The following TTL variants were observed in gnomAD, a reference collection of about 807,000 sequenced individuals.
TTL encodes the protein tubulin--tyrosine ligase.
A neutral mutation model predicts 41.1 loss-of-function variants in TTL; 10 were observed. That is an observed-to-expected ratio of 0.24 (90% CI 0.15 to 0.41). TTL has a LOEUF of 0.41. TTL is among the 10% of genes least tolerant of loss of function. The pLI, the probability that TTL is intolerant of heterozygous loss-of-function variation, is 1.00. For synonymous variants in TTL, 175 were observed against 175.5 expected (o/e 1.00, Z 0.02); for missense variants, 367 against 460.4 (o/e 0.80, Z 1.86).
Position 112,530,082 on chromosome 2 carries a change from C to G in TTL, c.*1287C>G. 1 of 230,208 alleles carries G rather than the reference C, an allele frequency of 4.3e-6. No individual in the cohort carries two copies. The highest frequency in any genetic ancestry group is 6.2e-5 in the East Asian group (1 of 16,212). The allele number at this position is 230,208 out of a possible 1,614,324, so 14.3% of individuals were successfully genotyped here. Reference sequence around the variant, plus strand: ...AGAGTGTCCTGGAAATCACAGCAACCCATTGAAAACTGCCCTCCCCACCAG... The same window carrying G: ...AGAGTGTCCTGGAAATCACAGCAACGCATTGAAAACTGCCCTCCCCACCAG... On this transcript the variant is annotated 3_prime_UTR_variant, in exon 7 of 7. Transcript: ENST00000233336.
Position 112,528,779 on chromosome 2 carries a change from C to T in TTL, c.1118C>T (p.Ala373Val). ...GAGCAACCTCAGACCCAGCCAGCTGCCTTCATCAAGCTGTGACAGAGGGCA... is the reference window on the plus strand; with the variant it reads ...GAGCAACCTCAGACCCAGCCAGCTGTCTTCATCAAGCTGTGACAGAGGGCA... Reference protein sequence around the residue: ...DVEQPQTQPAAFIKL With the variant: ...DVEQPQTQPAVFIKL Residue 373 changes from alanine (A) to valine (V), a missense_variant, in exon 7 of 7, where the codon GCC becomes GTC. Physicochemically the swap from Ala to Val is moderately conservative, Grantham distance 64. Transcript: ENST00000233336. 2 of 1,614,028 alleles carry T rather than the reference C, an allele frequency of 1.2e-6. No homozygotes were observed. The highest frequency in any genetic ancestry group is 2.7e-5 in the African/African-American group (2 of 75,036).
chr2:112,513,215 G>A (rs12469608), intron 5 of TTL, among the ~76,000 whole-genome samples: 10,135 of 151,930 alleles, frequency 0.067, 590 homozygotes, highest in East Asian at 0.28. Context: ...AGATTATCAG[G>A]TTGGATTATT....
chr2:112,503,138 A>C lies in TTL; in HGVS notation c.832A>C (p.Thr278Pro). 1.2e-6 allele frequency: 2 copies of C among 1,610,844 alleles called. No individual in the cohort carries two copies. Among genetic ancestry groups the C allele is most frequent in the South Asian group, 2.2e-5 (2 of 90,970 alleles). ...GTACCTAACAAGTGCTTTGAACATT[A>C]CCCTAGAAAGTAGTATCTTACTACA... ...NQYLTSALNI[T>P]LESSILLQIK... Residue 278 changes from threonine (T) to proline (P), a missense_variant, in exon 5 of 7, where the codon ACC becomes CCC. Transcript: ENST00000233336.
In TTL at chr2:112,538,098, G is replaced by A. The variant is rs1682631114; in HGVS notation, c.*9303G>A. 1 of 152,194 alleles carries A rather than the reference G, an allele frequency of 6.6e-6. No individual in the cohort carries two copies. Among genetic ancestry groups the A allele is most frequent in the African/African-American group, 2.4e-5 (1 of 41,452 alleles). 9.4% of individuals were successfully genotyped at this position (152,194 alleles called of 1,614,324 possible). On this transcript the variant is annotated 3_prime_UTR_variant, in exon 7 of 7. Transcript: ENST00000233336. Reference sequence around the variant, plus strand: ...TCTGTATTAATGAAGAAATATACAAGTAAAGAGGTTGGACTAATAATAATT... The same window carrying A: ...TCTGTATTAATGAAGAAATATACAAATAAAGAGGTTGGACTAATAATAATT...
intron 2 of TTL, among the ~76,000 whole-genome samples, chr2:112,487,174 T>C (rs1681263557): frequency 6.6e-6 from 1 of 152,144 alleles, no homozygotes; most frequent in African/African-American, 2.4e-5. Context: ...CACTAACGTT[T>C]CTTTCTGGGC....
Position 112,528,748 on chromosome 2 carries a change from G to A in TTL, c.1087G>A (p.Asp363Asn), listed in dbSNP as rs768633270. 1.9e-6 allele frequency: 3 copies of A among 1,614,052 alleles called. No individual in the cohort carries two copies. Among genetic ancestry groups the A allele is most frequent in the Non-Finnish European group, 2.5e-6 (3 of 1,180,036 alleles). ...IAISSVFPPP[D>N]VEQPQTQPAA... ...CATTTCCAGTGTCTTCCCACCCCCA[G>A]ATGTGGAGCAACCTCAGACCCAGCC... is the stretch of plus-strand genomic sequence containing the variant. Residue 363 changes from aspartate to asparagine, a missense_variant, in exon 7 of 7, where the codon GAT becomes AAT. Asp to Asn is a conservative substitution (Grantham distance 23). Coordinates refer to ENST00000233336, the MANE Select transcript of TTL (RefSeq NM_153712.5).
rs1356100779 is a variant in TTL at position 112,494,295 on chromosome 2, T to C, written c.389T>C (p.Phe130Ser). The C allele has an allele frequency of 6.2e-7, 1 of 1,614,212 alleles. No individual in the cohort carries two copies. The highest frequency in any genetic ancestry group is 2.2e-5 in the East Asian group (1 of 44,888). Residue 130 changes from phenylalanine to serine, a missense_variant, in exon 3 of 7, where the codon TTC becomes TCC. Coordinates refer to ENST00000233336, the MANE Select transcript of TTL (RefSeq NM_153712.5). ...AACTCAAGGACAGATGAAAGAGAATTCTTTCTCGCCTCTTATAACAGAAAG... is the reference window on the plus strand; with the variant it reads ...AACTCAAGGACAGATGAAAGAGAATCCTTTCTCGCCTCTTATAACAGAAAG... Reference protein sequence around the residue: ...ISNSRTDEREFFLASYNRKKE... With the variant: ...ISNSRTDERESFLASYNRKKE...
At chr2:112,495,892 G>A (rs969970997) in intron 3 of TTL, among the ~76,000 whole-genome samples, 1 of 152,008 alleles carries the variant, frequency 6.6e-6, no homozygotes, top group African/African-American at 2.4e-5. Flanking sequence ...GTATTGCCTT[G>A]GAAGACATCT....
intron 3 of TTL, among the ~76,000 whole-genome samples, chr2:112,497,996 C>T (rs1357504161): frequency 1.3e-5 from 2 of 152,144 alleles, no homozygotes; most frequent in African/African-American, 4.8e-5. Context: ...TTTTATGTGC[C>T]AACAATGAAC....
chr2:112,528,754 G>A lies in TTL; in HGVS notation c.1093G>A (p.Glu365Lys), dbSNP rs1682430944. The part of the protein sequence containing the change: ...ISSVFPPPDV[E>K]QPQTQPAAFI... ...CAGTGTCTTCCCACCCCCAGATGTGGAGCAACCTCAGACCCAGCCAGCTGC... is the reference window on the plus strand; with the variant it reads ...CAGTGTCTTCCCACCCCCAGATGTGAAGCAACCTCAGACCCAGCCAGCTGC... Residue 365 changes from glutamate (E) to lysine (K), a missense_variant, in exon 7 of 7, where the codon GAG (glutamate) becomes AAG (lysine). Coordinates refer to ENST00000233336, the MANE Select transcript of TTL (RefSeq NM_153712.5). The A allele has an allele frequency of 1.9e-6, 3 of 1,613,976 alleles. No homozygotes were observed. The Admixed American group carries it at 5.0e-5, about 27-fold the overall frequency.
intron 6 of TTL, 192 bp downstream of exon 6, chr2:112,520,617 C>A: frequency 2.3e-6 from 1 of 435,106 alleles, no homozygotes; most frequent in Non-Finnish European, 3.7e-6. Flanking sequence ...CGTGTATAGG[C>A]CAGATAGGCC....
chr2:112,512,854 TTG>T (rs1223527237), intron 5 of TTL, among the ~76,000 whole-genome samples: 2 of 152,208 alleles, frequency 1.3e-5, no homozygotes, highest in African/African-American at 4.8e-5. Flanking sequence ...TTTTGTTTTT[TTG>T]TGTCTCTTTT....
chr2:112,486,618 G>C (rs554525592), intron 2 of TTL, among the ~76,000 whole-genome samples: 11 of 152,210 alleles, frequency 7.2e-5, no homozygotes, highest in African/African-American at 2.7e-4. Context: ...GTTGGATTAT[G>C]GCTAGGTATC....
chr2:112,510,725 C>T (rs1441876253), intron 5 of TTL, among the ~76,000 whole-genome samples: 1 of 152,172 alleles, frequency 6.6e-6, no homozygotes, highest in Admixed American at 6.5e-5. Flanking sequence ...AAGCATGTCT[C>T]AGTTTCCCTT....
At chr2:112,490,486 A>G (rs1313450197) in intron 2 of TTL, among the ~76,000 whole-genome samples, 3 of 152,182 alleles carry the variant, frequency 2.0e-5, no homozygotes, top group Non-Finnish European at 2.9e-5. Context: ...ACATAATGCA[A>G]TGAAGCAAAT....
chr2:112,490,999 C>CGT (rs145067702), intron 2 of TTL, among the ~76,000 whole-genome samples: 11 of 150,316 alleles, frequency 7.3e-5, no homozygotes, highest in Admixed American at 1.3e-4. Context: ...TATGAGTTTG[C>CGT]GTGTGTGTGT....
intron 6 of TTL, among the ~76,000 whole-genome samples, chr2:112,527,426 C>T (rs1182134279): frequency 2.0e-5 from 3 of 152,072 alleles, no homozygotes; most frequent in Non-Finnish European, 2.9e-5. Flanking sequence ...TGAAGTCTCC[C>T]ACTATTATTG....
In TTL at chr2:112,536,614, C is replaced by G. The variant is rs1682603094; in HGVS notation, c.*7819C>G. The G allele has an allele frequency of 6.6e-6, 1 of 152,096 alleles. No individual in the cohort carries two copies. 9.4% of individuals were successfully genotyped at this position (152,096 alleles called of 1,614,324 possible). On this transcript the variant is annotated 3_prime_UTR_variant, in exon 7 of 7. Transcript: ENST00000233336. ...TTACATGGGTCCTGAGGTTGGGGTACAGATCCCATTACCCAAGTAGTAAGC... is the reference window on the plus strand; with the variant it reads ...TTACATGGGTCCTGAGGTTGGGGTAGAGATCCCATTACCCAAGTAGTAAGC...
chr2:112,483,501 A>T (rs1681152278), intron 1 of TTL: 1 of 152,260 alleles, frequency 6.6e-6, no homozygotes, highest in Non-Finnish European at 1.5e-5. Context: ...GGGAGAATCG[A>T]TACGGAGGAA....
Sources: allele counts gnomAD v4.1 joint callset (sites outside exome capture counted in the v4.1 genomes callset), GRCh38; gene constraint gnomAD v4.1.1; transcripts MANE v1.5; gene names NCBI Gene and HGNC (gene_info 2026-07-23, HGNC 2026-07-21).